Variants in UBXN2A observed in about 807,000 individuals in gnomAD.
UBXN2A encodes the protein UBX domain protein 2A.
A neutral mutation model predicts 28.4 loss-of-function variants in UBXN2A; 28 were observed. The observed-to-expected ratio is 0.99, with a 90% CI of 0.73 to 1.35. UBXN2A has a LOEUF of 1.35. Ranked by LOEUF, UBXN2A falls within the 40% of genes most tolerant of loss-of-function variation. The pLI is 0.00. For synonymous variants in UBXN2A, 97 were observed against 103.6 expected, an observed-to-expected ratio of 0.94 and a Z score of 0.39; for missense variants, 253 against 297.9, an observed-to-expected ratio of 0.85 and a Z score of 1.11.
chr2:23,972,920 T>C (rs1707478662), intron 3 of UBXN2A, among the ~76,000 whole-genome samples: 1 of 152,196 alleles, frequency 6.6e-6, no homozygotes, highest in Admixed American at 6.6e-5. Context: ...ACATAAAGTA[T>C]TTCTACAATA....
At chr2:23,957,159 T>G (rs929860455) in intron 1 of UBXN2A, among the ~76,000 whole-genome samples, 1 of 152,048 alleles carries the variant, frequency 6.6e-6, no homozygotes, top group African/African-American at 2.4e-5. Flanking sequence ...AGCCTGCAGG[T>G]GCATAGGGCT....
intron 4 of UBXN2A, 83 bp downstream of exon 4, chr2:23,977,158 G>A: frequency 9.2e-7 from 1 of 1,083,920 alleles, no homozygotes; most frequent in African/African-American, 1.6e-5. Flanking sequence ...GAGCTCAGGA[G>A]TTCAAGGCCA....
chr2:23,998,129 A>T (rs1708611164), intron 6 of UBXN2A, among the ~76,000 whole-genome samples: 1 of 152,038 alleles, frequency 6.6e-6, no homozygotes, highest in Admixed American at 6.6e-5. Context: ...ATATTTTCTA[A>T]CTTAATACAT....
intron 6 of UBXN2A, among the ~76,000 whole-genome samples, chr2:23,991,990 T>C (rs1708372522): frequency 6.6e-6 from 1 of 152,020 alleles, no homozygotes; most frequent in African/African-American, 2.4e-5. Flanking sequence ...TTTTGTTTTT[T>C]GAGATGGAGT....
At position 23,999,960 on chromosome 2, in the gene UBXN2A, T is replaced by C; in HGVS notation, c.*93T>C. ...TGGGGATTGGAGAAGTCAGACTCAC[T>C]AGACTTTTGGTTCGAGTACTATTGA... On this transcript the variant is annotated 3_prime_UTR_variant, in exon 7 of 7. Transcript: ENST00000309033. 3 of 1,327,636 alleles carry C rather than the reference T, an allele frequency of 2.3e-6. No homozygotes were observed. The South Asian group carries it at 4.2e-5, about 18-fold the overall frequency. The allele number at this position is 1,327,636 out of a possible 1,614,324, so 82.2% of individuals were successfully genotyped here.
chr2:23,939,129 C>G (rs984324543), upstream of UBXN2A, among the ~76,000 whole-genome samples: 3 of 152,024 alleles, frequency 2.0e-5, no homozygotes, highest in Non-Finnish European at 4.4e-5. Flanking sequence ...CAAACCGAGA[C>G]TTTATTCGGA....
chr2:23,964,384 A>G (rs1290047934), intron 2 of UBXN2A, among the ~76,000 whole-genome samples: 1 of 152,034 alleles, frequency 6.6e-6, no homozygotes, highest in East Asian at 1.9e-4. Flanking sequence ...CTAATTTTGT[A>G]TTTTTAGTAG....
intron 6 of UBXN2A, among the ~76,000 whole-genome samples, chr2:23,986,608 A>G (rs2150903279): frequency 6.6e-6 from 1 of 151,454 alleles, no homozygotes; most frequent in East Asian, 1.9e-4. Context: ...ATCTCTTCCT[A>G]AAAGCTTTTT....
At chr2:23,958,531 T>C (rs1005527600) in intron 2 of UBXN2A, among the ~76,000 whole-genome samples, 176 bp downstream of exon 2, 2 of 152,268 alleles carry the variant, frequency 1.3e-5, no homozygotes, top group African/African-American at 4.8e-5. Flanking sequence ...ACAAATTTTA[T>C]TGAAGTTACT....
upstream of UBXN2A, among the ~76,000 whole-genome samples, chr2:23,935,623 T>C (rs112162919): frequency 1.0e-3 from 156 of 152,220 alleles, no homozygotes; most frequent in African/African-American, 3.5e-3. Flanking sequence ...GTTGGGAAGA[T>C]GTAGAGAAAT....
intron 4 of UBXN2A, chr2:23,977,305 C>A: frequency 5.7e-6 from 1 of 175,504 alleles, no homozygotes; most frequent in Non-Finnish European, 1.1e-5. Context: ...CCAGCCTGGG[C>A]AACAGCACGA....
At chr2:23,979,599 A>G (rs1485118338) in intron 4 of UBXN2A, among the ~76,000 whole-genome samples, 1 of 151,990 alleles carries the variant, frequency 6.6e-6, no homozygotes, top group Non-Finnish European at 1.5e-5. Context: ...GTTTTTTGTT[A>G]TTATGTTTTT....
chr2:23,972,023 C>G (rs562500356), intron 3 of UBXN2A, among the ~76,000 whole-genome samples: 1 of 151,930 alleles, frequency 6.6e-6, no homozygotes, highest in Non-Finnish European at 1.5e-5. Context: ...TGCTTGAGCT[C>G]AGGAGTTTGA....
intron 6 of UBXN2A, among the ~76,000 whole-genome samples, chr2:23,997,438 C>T (rs892579488): frequency 6.6e-6 from 1 of 151,972 alleles, no homozygotes; most frequent in African/African-American, 2.4e-5. Context: ...AGTCTAAAGC[C>T]TTTATTTATT....
intron 1 of UBXN2A, among the ~76,000 whole-genome samples, chr2:23,955,712 A>C (rs1245434463): frequency 6.6e-6 from 1 of 152,242 alleles, no homozygotes; most frequent in African/African-American, 2.4e-5. Flanking sequence ...TATAATGGTA[A>C]CTATTTGCGT....
chr2:23,991,711 G>A (rs1708359915), intron 6 of UBXN2A, among the ~76,000 whole-genome samples: 1 of 151,956 alleles, frequency 6.6e-6, no homozygotes, highest in South Asian at 2.1e-4. Flanking sequence ...ATCTCAGGTG[G>A]TCCGCTCACC....
intron 6 of UBXN2A, among the ~76,000 whole-genome samples, chr2:23,999,374 A>G (rs970405801): frequency 6.6e-6 from 1 of 152,156 alleles, no homozygotes; most frequent in Non-Finnish European, 1.5e-5. Context: ...TCAAACTTTA[A>G]AAGATAGCCC....
chr2:24,003,640 A>G lies in UBXN2A; in HGVS notation c.*3773A>G, dbSNP rs1157958149. ...ACTCTTAGAAATGAACAGGTACATA[A>G]TAGAAAATAAATAATTATTGTTGGT... On this transcript the variant is annotated 3_prime_UTR_variant, in exon 7 of 7. Transcript: ENST00000309033. The G allele has an allele frequency of 6.6e-6, 1 of 151,832 alleles. No homozygotes were observed. The highest frequency in any genetic ancestry group is 1.5e-5 in the Non-Finnish European group (1 of 67,996). The allele number at this position is 151,832 out of a possible 1,614,324, so 9.4% of individuals were successfully genotyped here. A position where few individuals can be genotyped will look rare whatever the true frequency, so the allele number is the denominator to read the frequency against.
chr2:23,938,548 C>T (rs1705603937), upstream of UBXN2A, among the ~76,000 whole-genome samples: 1 of 142,918 alleles, frequency 7.0e-6, no homozygotes, highest in African/African-American at 2.9e-5. Flanking sequence ...CAGTGGCCCC[C>T]CCCTCCCTTT....
Sources: gnomAD v4.1 joint callset for allele counts (sites outside exome capture counted in the v4.1 genomes callset) on GRCh38, gnomAD v4.1.1 for gene constraint, MANE v1.5 for transcripts, NCBI Gene and HGNC (gene_info 2026-07-23, HGNC 2026-07-21) for gene names.